ARHGAP28: variants seen among roughly 807,000 people sequenced by gnomAD.
ARHGAP28 encodes the protein rho GTPase-activating protein 28.
In ARHGAP28, 56 loss-of-function variants were observed where a neutral mutation model predicts 90.7. The ratio of observed to expected loss-of-function variants is 0.62; its 90% CI spans 0.50 to 0.77. ARHGAP28 has a LOEUF of 0.77. Among genes scored for constraint, ARHGAP28 ranks in the 30% least tolerant of loss-of-function variants. ARHGAP28 has a pLI of 0.00. For missense variants in ARHGAP28, 869 were observed against 900.9 expected, an observed-to-expected ratio of 0.96 and a Z score of 0.45; for synonymous variants, 308 against 323.3, an observed-to-expected ratio of 0.95 and a Z score of 0.51.
chr18:6,839,512 T>C (rs1412811531), intron 3 of ARHGAP28, among the ~76,000 whole-genome samples: 1 of 152,142 alleles, frequency 6.6e-6, no homozygotes, highest in African/African-American at 2.4e-5. Context: ...TTAGCCAGGA[T>C]GGTCTCGATT....
chr18:6,867,952 G>A (rs2057050636), intron 5 of ARHGAP28, among the ~76,000 whole-genome samples, 198 bp from the exon 6 acceptor site: 1 of 152,162 alleles, frequency 6.6e-6, no homozygotes, highest in Non-Finnish European at 1.5e-5. Context: ...GTTCCCTTTT[G>A]TGAAACATGT....
intron 1 of ARHGAP28, among the ~76,000 whole-genome samples, chr18:6,796,024 CA>C (rs2143588644): frequency 6.6e-6 from 1 of 152,332 alleles, no homozygotes; most frequent in South Asian, 2.1e-4. Flanking sequence ...TGCCTTTGAG[CA>C]AAGTCTGGCC....
chr18:6,903,388 G>T (rs1460048467), intron 16 of ARHGAP28, among the ~76,000 whole-genome samples: 1 of 152,034 alleles, frequency 6.6e-6, no homozygotes, highest in Non-Finnish European at 1.5e-5. Context: ...AGGATAAAGA[G>T]AACTAATGAA....
intron 1 of ARHGAP28, among the ~76,000 whole-genome samples, chr18:6,805,150 A>G (rs1183091348): frequency 2.0e-5 from 3 of 151,906 alleles, no homozygotes; most frequent in Non-Finnish European, 4.4e-5. Flanking sequence ...GGGGTTTTGA[A>G]ATCTTTTACT....
At chr18:6,770,047 T>A (rs2056229967) in intron 1 of ARHGAP28, among the ~76,000 whole-genome samples, 1 of 152,228 alleles carries the variant, frequency 6.6e-6, no homozygotes, top group African/African-American at 2.4e-5. Context: ...TGGTAGGAAA[T>A]TAGCTATCCT....
At chr18:6,802,777 G>A (rs372094665) in intron 1 of ARHGAP28, among the ~76,000 whole-genome samples, 1 of 151,996 alleles carries the variant, frequency 6.6e-6, no homozygotes, top group Non-Finnish European at 1.5e-5. Context: ...ATTAATTTAG[G>A]TGTTCTTTAA....
intron 3 of ARHGAP28, among the ~76,000 whole-genome samples, chr18:6,845,152 C>T (rs560182528): frequency 3.9e-5 from 6 of 152,296 alleles, no homozygotes; most frequent in African/African-American, 9.6e-5. Context: ...AGTCGTAGCT[C>T]GCTGTAACCT....
At chr18:6,839,372 C>T (rs944002271) in intron 3 of ARHGAP28, among the ~76,000 whole-genome samples, 15 of 149,956 alleles carry the variant, frequency 1.0e-4, no homozygotes, top group Non-Finnish European at 1.2e-4. Context: ...CGGCTCACTG[C>T]AAGCTCCGCC....
Position 6,909,036 on chromosome 18 carries a change from G to A in ARHGAP28, c.2095+12G>A. The A allele has an allele frequency of 7.2e-7, 1 of 1,387,602 alleles. No individual in the cohort carries two copies. Among genetic ancestry groups the A allele is most frequent in the Non-Finnish European group, 1.0e-6 (1 of 986,596 alleles). 86.0% of individuals were successfully genotyped at this position (1,387,602 alleles called of 1,614,324 possible). ...TGGAGGAAATATAGGTAAGCATACTGTAATAATTTCTACTGCTAAATTCTC... is the reference window on the plus strand; with the variant it reads ...TGGAGGAAATATAGGTAAGCATACTATAATAATTTCTACTGCTAAATTCTC... On this transcript the variant is annotated intron_variant, in intron 17 of 17. Coordinates refer to ENST00000383472, the MANE Select transcript of ARHGAP28 (RefSeq NM_001366230.1).
chr18:6,838,796 C>T (rs1394299833), intron 3 of ARHGAP28, among the ~76,000 whole-genome samples: 2 of 152,038 alleles, frequency 1.3e-5, no homozygotes, highest in African/African-American at 4.8e-5. Flanking sequence ...CTAGTGTAAA[C>T]CTGTGTCTTT....
At chr18:6,879,648 A>G (rs1241989381) in intron 10 of ARHGAP28, among the ~76,000 whole-genome samples, 2 of 152,228 alleles carry the variant, frequency 1.3e-5, no homozygotes, top group Admixed American at 6.5e-5. Flanking sequence ...ATTATTCCCT[A>G]AACAGTCACG....
intron 1 of ARHGAP28, among the ~76,000 whole-genome samples, chr18:6,734,232 A>G (rs1445524299): frequency 6.6e-6 from 1 of 152,236 alleles, no homozygotes; most frequent in Non-Finnish European, 1.5e-5. Context: ...ACAAACATAC[A>G]AAATAATTTC....
At chr18:6,746,603 C>T (rs1277277931) in intron 1 of ARHGAP28, among the ~76,000 whole-genome samples, 2 of 152,156 alleles carry the variant, frequency 1.3e-5, no homozygotes, top group African/African-American at 4.8e-5. Flanking sequence ...TGGGGTTGCA[C>T]CTGTTACAAT....
chr18:6,773,776 A>G (rs935630339), intron 1 of ARHGAP28, among the ~76,000 whole-genome samples: 9 of 152,242 alleles, frequency 5.9e-5, no homozygotes, highest in African/African-American at 2.2e-4. Context: ...ACTTTTGAAT[A>G]AAGCTCCACA....
chr18:6,757,449 C>T (rs140965295), intron 1 of ARHGAP28, among the ~76,000 whole-genome samples: 207 of 152,178 alleles, frequency 1.4e-3, no homozygotes, highest in Middle Eastern at 0.01. Context: ...TTGAAAGGAA[C>T]GTATCTGAAG....
chr18:6,876,599 C>T (rs553402782), intron 10 of ARHGAP28, among the ~76,000 whole-genome samples: 61 of 152,306 alleles, frequency 4.0e-4, no homozygotes, highest in African/African-American at 1.4e-3. Flanking sequence ...TGTTGTGCTC[C>T]TCTCAGCCGT....
chr18:6,874,409 G>C (rs1278434624), intron 9 of ARHGAP28, among the ~76,000 whole-genome samples: 1 of 152,144 alleles, frequency 6.6e-6, no homozygotes, highest in Non-Finnish European at 1.5e-5. Context: ...ATATCTCTGT[G>C]ACTATTGTTG....
chr18:6,801,740 A>G (rs1325757238), intron 1 of ARHGAP28, among the ~76,000 whole-genome samples: 4 of 152,130 alleles, frequency 2.6e-5, no homozygotes, highest in Admixed American at 6.5e-5. Context: ...AACCTTAACT[A>G]TTTGTCTTTT....
chr18:6,788,064 T>A (rs372063998), intron 1 of ARHGAP28, among the ~76,000 whole-genome samples: 4 of 152,324 alleles, frequency 2.6e-5, no homozygotes, highest in East Asian at 3.9e-4. Context: ...TCTGTGTCCC[T>A]GCCCAAATCT....
Sources: gnomAD v4.1 joint callset for allele counts (sites outside exome capture counted in the v4.1 genomes callset) on GRCh38, gnomAD v4.1.1 for gene constraint, MANE v1.5 for transcripts, NCBI Gene and HGNC (gene_info 2026-07-23, HGNC 2026-07-21) for gene names.